ARHGAP6: variants seen among roughly 807,000 people sequenced by gnomAD.
ARHGAP6 encodes the protein Rho GTPase activating protein 6.
Under a neutral mutation model 55.7 loss-of-function variants are expected in ARHGAP6, and 16 were observed. The observed-to-expected ratio is 0.29, with a 90% CI of 0.19 to 0.44. The LOEUF (loss-of-function observed/expected upper bound fraction) is 0.44, where lower values mean the gene tolerates loss of function less well. Among genes scored for constraint, ARHGAP6 ranks in the 20% least tolerant of loss-of-function variants. ARHGAP6 has a pLI of 1.00. For missense variants in ARHGAP6, 698 were observed against 808.9 expected, an observed-to-expected ratio of 0.86 and a Z score of 1.66; for synonymous variants, 382 against 360.9, an observed-to-expected ratio of 1.06 and a Z score of -0.66.
intron 1 of ARHGAP6, among the ~76,000 whole-genome samples, chrX:11,271,449 A>T (rs779676762): frequency 4.3e-4 from 48 of 111,926 alleles, no homozygotes; most frequent in Admixed American, 1.0e-3. Flanking sequence ...GTGTTTCATC[A>T]ATTGCACTTT....
At chrX:11,188,623 A>ACAC (rs761866526) in intron 4 of ARHGAP6, 105 bp downstream of exon 4, 844 of 1,068,358 alleles carry the variant, frequency 7.9e-4, no homozygotes, top group Middle Eastern at 1.1e-3. Flanking sequence ...AGATACCTGA[A>ACAC]CACCAACTAC....
intron 1 of ARHGAP6, among the ~76,000 whole-genome samples, chrX:11,485,812 T>TG (rs2050505584): frequency 9.0e-6 from 1 of 111,478 alleles, no homozygotes. Flanking sequence ...TTTAGCTAGC[T>TG]GGTGAGAGAA....
At chrX:11,530,050 C>T (rs947698393) in intron 1 of ARHGAP6, among the ~76,000 whole-genome samples, 3 of 111,724 alleles carry the variant, frequency 2.7e-5, no homozygotes, top group Non-Finnish European at 5.6e-5. Flanking sequence ...AAGACTGTGG[C>T]ATTAAACCAT....
chrX:11,571,810 C>A (rs901741345), intron 1 of ARHGAP6, among the ~76,000 whole-genome samples: 6 of 109,396 alleles, frequency 5.5e-5, no homozygotes, highest in African/African-American at 1.0e-4. Flanking sequence ...ATCACTTGAG[C>A]CTTTGAGGTT....
intron 1 of ARHGAP6, among the ~76,000 whole-genome samples, chrX:11,354,303 CTCTCTCTCTCTCTCTCTCTCTCTCTA>C (rs1569311487): frequency 3.6e-5 from 2 of 55,223 alleles, no homozygotes; most frequent in African/African-American, 1.5e-4. Flanking sequence ...CTTTCTCTCT[CTCTCTCTCTCTCTCTCTCTCTCTCTA>C]TATATATATA....
chrX:11,247,352 C>T (rs1226503808), intron 2 of ARHGAP6, among the ~76,000 whole-genome samples: 1 of 112,482 alleles, frequency 8.9e-6, no homozygotes, highest in African/African-American at 3.2e-5. Flanking sequence ...TCTTATAGAA[C>T]CATTCAACTG....
At chrX:11,629,246 T>C (rs772868134) in intron 1 of ARHGAP6, among the ~76,000 whole-genome samples, 1 of 111,906 alleles carries the variant, frequency 8.9e-6, no homozygotes, top group Admixed American at 9.5e-5. Context: ...GAGAATTCTG[T>C]ATTTGCAATT....
At position 11,178,130 on chromosome X, in the gene ARHGAP6, G is replaced by A. The variant is rs72558043; in HGVS notation, c.1599C>T (p.Ala533=). The change falls in exon 8 of 13, where the codon GCC becomes GCT. Residue 533 remains alanine (A), a synonymous_variant. Coordinates refer to ENST00000337414, the MANE Select transcript of ARHGAP6 (RefSeq NM_013427.3). The stretch of plus-strand genomic sequence containing the variant: ...GCCCATCTTTGCTGATGTTGTCATC[G>A]GCATGCCTGGCCACGATGGAGAGGA... ...LQFLSIVARH[A]DDNISKDGQE... is the part of the protein sequence containing the mutation. 1,163 of 1,209,500 alleles carry A rather than the reference G, an allele frequency of 9.6e-4. 1 individual carries two copies. The highest frequency in any genetic ancestry group is 7.7e-3 in the South Asian group (437 of 56,739).
chrX:11,353,616 A>G (rs762404316), intron 1 of ARHGAP6, among the ~76,000 whole-genome samples: 1 of 102,611 alleles, frequency 9.7e-6, no homozygotes, highest in Non-Finnish European at 2.0e-5. Flanking sequence ...TAGTATGTCA[A>G]TCTGAGCCAA....
At chrX:11,184,905 C>T (rs1163164306) in intron 5 of ARHGAP6, among the ~76,000 whole-genome samples, 1 of 111,919 alleles carries the variant, frequency 8.9e-6, no homozygotes, top group Non-Finnish European at 1.9e-5. Flanking sequence ...ATACACCACC[C>T]TAGATGGTAT....
intron 1 of ARHGAP6, among the ~76,000 whole-genome samples, chrX:11,441,020 A>G (rs973749202): frequency 8.9e-6 from 1 of 112,144 alleles, no homozygotes; most frequent in African/African-American, 3.2e-5. Context: ...AAAACTTTTC[A>G]GAATCATAAT....
Position 11,577,440 on chromosome X carries a change from C to T in ARHGAP6, c.588+86801G>A, listed in dbSNP as rs949353026. Among the ~76,000 whole-genome samples, 21 of 112,108 alleles carry T rather than the reference C, an allele frequency of 1.9e-4. 1 individual carries two copies. The highest frequency in any genetic ancestry group is 4.6e-3 in the Middle Eastern group (1 of 218). On this transcript the variant is annotated intron_variant, in intron 1 of 12. Transcript: ENST00000337414. ...TAGAATTACCCACCTACTCTTCATC[C>T]ATCACCAGTTGAGGGCTGCTCCTAG... is the stretch of plus-strand genomic sequence containing the variant.
intron 1 of ARHGAP6, among the ~76,000 whole-genome samples, chrX:11,422,117 T>C (rs1267043670): frequency 9.0e-6 from 1 of 111,425 alleles, no homozygotes; most frequent in Non-Finnish European, 1.9e-5. Context: ...ACAATGAATA[T>C]ATAATATAAT....
At chrX:11,358,491 T>TC (rs1233380805) in intron 1 of ARHGAP6, among the ~76,000 whole-genome samples, 1 of 102,778 alleles carries the variant, frequency 9.7e-6, no homozygotes, top group Non-Finnish European at 2.0e-5. Context: ...CTTTCTTTTT[T>TC]TTTTTTTGAC....
At chrX:11,258,001 C>A (rs1207637604) in intron 1 of ARHGAP6, among the ~76,000 whole-genome samples, 2 of 110,746 alleles carry the variant, frequency 1.8e-5, no homozygotes, top group Admixed American at 9.7e-5. Flanking sequence ...AGGAAAAGGG[C>A]AAGAGGTGAA....
At chrX:11,562,451 A>G (rs1331212363) in intron 1 of ARHGAP6, among the ~76,000 whole-genome samples, 3 of 111,808 alleles carry the variant, frequency 2.7e-5, no homozygotes, top group Non-Finnish European at 5.6e-5. Context: ...TTAAGAAAAC[A>G]CAATGCTTAG....
At chrX:11,326,715 A>G (rs1326518003) in intron 1 of ARHGAP6, among the ~76,000 whole-genome samples, 1 of 112,134 alleles carries the variant, frequency 8.9e-6, no homozygotes, top group Admixed American at 9.4e-5. Context: ...ATTAAAAAAC[A>G]AACTTTTAAC....
chrX:11,519,283 C>T lies in ARHGAP6; in HGVS notation c.588+144958G>A, dbSNP rs565658992. Among the ~76,000 whole-genome samples, 3 of 109,200 alleles carry T rather than the reference C, an allele frequency of 2.7e-5. No homozygotes were observed. In the South Asian group the frequency reaches 1.2e-3, roughly 43 times the overall value. 94.8% of individuals were successfully genotyped at this position (109,200 alleles called of 115,157 possible). The stretch of plus-strand genomic sequence containing the variant: ...AAAAGTGTTCCTATTTCTCCACATC[C>T]TCCCCAGCACCTGTTGTTTCCTGAC... On this transcript the variant is annotated intron_variant, in intron 1 of 12. Transcript: ENST00000337414.
chrX:11,278,981 C>G (rs1297427746), intron 1 of ARHGAP6, among the ~76,000 whole-genome samples: 1 of 111,506 alleles, frequency 9.0e-6, no homozygotes, highest in Non-Finnish European at 1.9e-5. Context: ...CAAGGTGCAG[C>G]TTGGCAACAC....
Sources: allele counts gnomAD v4.1 joint callset (sites outside exome capture counted in the v4.1 genomes callset), GRCh38; gene constraint gnomAD v4.1.1; transcripts MANE v1.5; gene names NCBI Gene and HGNC (gene_info 2026-07-23, HGNC 2026-07-21).